The following TRAFD1 variants were observed in gnomAD, a reference collection of about 807,000 sequenced individuals.
TRAFD1 encodes the protein TRAF-type zinc finger domain-containing protein 1.
Under a neutral mutation model 65.3 loss-of-function variants are expected in TRAFD1, and 38 were observed. The observed-to-expected ratio is 0.58, with a 90% CI of 0.45 to 0.76. The LOEUF (loss-of-function observed/expected upper bound fraction) is 0.76. TRAFD1 is among the 30% of genes least tolerant of loss of function. The pLI is 0.00. For missense variants in TRAFD1, 631 were observed against 712.6 expected (o/e 0.89, Z 1.30); for synonymous variants, 223 against 257.2 (o/e 0.87, Z 1.27).
chr12:112,149,903 C>T (rs943859821), intron 9 of TRAFD1, 32 bp downstream of exon 9: 1 of 1,612,714 alleles, frequency 6.2e-7, no homozygotes, highest in Non-Finnish European at 8.5e-7. Flanking sequence ...GCCAAGGCCG[C>T]AGGTCTACTG....
chr12:112,144,864 C>T (rs992407705), intron 6 of TRAFD1, among the ~76,000 whole-genome samples: 1 of 151,850 alleles, frequency 6.6e-6, no homozygotes, highest in Non-Finnish European at 1.5e-5. Flanking sequence ...ATCTAGGCAA[C>T]AGAAAAAAAA....
At position 112,152,362 on chromosome 12, in the gene TRAFD1, C is replaced by T. The variant is rs2030434982; in HGVS notation, c.1620-65C>T. 6.3e-7 allele frequency: 1 copy of T among 1,593,020 alleles called. No homozygotes were observed. On this transcript the variant is annotated intron_variant, in intron 10 of 11. Coordinates refer to ENST00000412615, the MANE Select transcript of TRAFD1 (RefSeq NM_006700.3). This position sits in a 1 kb window ranked among gnomAD's most constrained non-coding sequence, Gnocchi z 5.0. ...CTAGCATAGGACTGCTTCCTGTTCC[C>T]TCTGAGTTTGTTGACCTTTGCTCAG... is the stretch of plus-strand genomic sequence containing the variant.
rs1191750606 is a variant in TRAFD1 at position 112,142,648 on chromosome 12, CA to C, written c.850+363del. Among the ~76,000 whole-genome samples the C allele has an allele frequency of 3.4e-4, 47 of 139,354 alleles. No individual in the cohort carries two copies. In the South Asian group the frequency reaches 3.8e-3, roughly 11 times the overall value. The allele number at this position is 139,354 out of a possible 152,430, so 91.4% of individuals were successfully genotyped here. ...CTGGTGACAGAGTGACACCTTGTCT[CA>C]AAAAAAAAAGGCTCTAAAGGACATT... is the stretch of plus-strand genomic sequence containing the variant. On this transcript the variant is annotated intron_variant, in intron 6 of 11. Coordinates refer to ENST00000412615, the MANE Select transcript of TRAFD1 (RefSeq NM_006700.3).
At chr12:112,133,295 A>C (rs1023505793) in intron 2 of TRAFD1, 1 of 152,220 alleles carries the variant, frequency 6.6e-6, no homozygotes, top group East Asian at 1.9e-4. Flanking sequence ...TCCTGTAGTC[A>C]GGAAGCATCC....
At chr12:112,139,290 C>T (rs147611307) in intron 4 of TRAFD1, among the ~76,000 whole-genome samples, 18 of 151,912 alleles carry the variant, frequency 1.2e-4, no homozygotes, top group African/African-American at 4.3e-4. Context: ...GTCAAGGCTG[C>T]GGTAAGCCAT....
chr12:112,148,486 C>T (rs1440390683), intron 8 of TRAFD1, among the ~76,000 whole-genome samples, 182 bp downstream of exon 8: 1 of 152,242 alleles, frequency 6.6e-6, no homozygotes, highest in Non-Finnish European at 1.5e-5. Context: ...GGCTTTCAGA[C>T]TTTCCCTCCC....
intron 2 of TRAFD1, among the ~76,000 whole-genome samples, chr12:112,133,524 A>T (rs150925349): frequency 9.9e-5 from 15 of 152,144 alleles, no homozygotes; most frequent in Non-Finnish European, 7.4e-5. Context: ...ATAATCCTGG[A>T]GCGTATCACT....
rs754647958 is a variant in TRAFD1, at chr12:112,130,527, C to T, written c.5C>T (p.Ala2Val). 6.2e-7 allele frequency: 1 copy of T among 1,612,782 alleles called. No homozygotes were observed. Among genetic ancestry groups the T allele is most frequent in the Admixed American group, 1.7e-5 (1 of 59,962 alleles). ...GGTTTTCAGGAAGAGCTAAAGATGG[C>T]TGAATTTCTAGATGACCAGGAAACT... Reference protein sequence around the residue: MAEFLDDQETRL... With the variant: MVEFLDDQETRL... The change falls in exon 2 of 12, where the codon GCT (alanine) becomes GTT (valine). Residue 2 changes from alanine to valine, a missense_variant. Coordinates refer to ENST00000412615, the MANE Select transcript of TRAFD1 (RefSeq NM_006700.3). The surrounding 1 kb of genome is among the most constrained non-coding windows in gnomAD (Gnocchi z 4.4).
chr12:112,130,896 C>G lies in TRAFD1; in HGVS notation c.47+327C>G, dbSNP rs1043327982. On this transcript the variant is annotated intron_variant, in intron 2 of 11. Coordinates refer to ENST00000412615, the MANE Select transcript of TRAFD1 (RefSeq NM_006700.3). This position sits in a 1 kb window ranked among gnomAD's most constrained non-coding sequence, Gnocchi z 4.4. ...TCTGCTATGTTTATTACTTTATTTT[C>G]CTTCACTGGGTACTTCTTTCACAAT... is the stretch of plus-strand genomic sequence containing the variant. Among the ~76,000 whole-genome samples the G allele has an allele frequency of 6.6e-6, 1 of 152,148 alleles. No homozygotes were observed. The highest frequency in any genetic ancestry group is 2.4e-5 in the African/African-American group (1 of 41,428).
intron 6 of TRAFD1, among the ~76,000 whole-genome samples, chr12:112,145,259 T>C (rs1156723704): frequency 1.3e-5 from 2 of 152,240 alleles, no homozygotes; most frequent in Admixed American, 1.3e-4. Context: ...ATTGAAATAG[T>C]GTGTGGAAAA....
rs1167158759 is a variant in TRAFD1 at position 112,135,000 on chromosome 12, CT to C, written c.184-11del. 1 of 1,614,236 alleles carries C rather than the reference CT, an allele frequency of 6.2e-7. No individual in the cohort carries two copies. Among genetic ancestry groups the C allele is most frequent in the Admixed American group, 1.7e-5 (1 of 60,022 alleles). ...CCCAAAGCCAATTTACTGATTCTCA[CT>C]TCTTACTCTAGGTGACCTGCAAATG... On this transcript the variant is annotated splice_polypyrimidine_tract_variant and intron_variant, in intron 3 of 11. Coordinates refer to ENST00000412615, the MANE Select transcript of TRAFD1 (RefSeq NM_006700.3).
intron 6 of TRAFD1, among the ~76,000 whole-genome samples, chr12:112,144,416 T>C (rs1205689297): frequency 6.6e-6 from 1 of 152,080 alleles, no homozygotes; most frequent in African/African-American, 2.4e-5. Flanking sequence ...GATTACAGGC[T>C]TGTACCACCA....
In TRAFD1 at chr12:112,153,464, A is replaced by G. The variant is rs1397285227; in HGVS notation, c.*673A>G. The G allele has an allele frequency of 1.3e-5, 2 of 152,232 alleles. No individual in the cohort carries two copies. Among genetic ancestry groups the G allele is most frequent in the Non-Finnish European group, 2.9e-5 (2 of 68,066 alleles). 9.4% of individuals were successfully genotyped at this position (152,232 alleles called of 1,614,324 possible). ...AGGGCTGAGGGCTCCCTGTCCCCAC[A>G]GCAGGTATGTTGGGCTCTGCCCCAG... On this transcript the variant is annotated 3_prime_UTR_variant, in exon 12 of 12. Coordinates refer to ENST00000412615, the MANE Select transcript of TRAFD1 (RefSeq NM_006700.3).
chr12:112,146,018 G>A (rs1183870394), intron 7 of TRAFD1, among the ~76,000 whole-genome samples: 2 of 143,516 alleles, frequency 1.4e-5, no homozygotes, highest in African/African-American at 5.2e-5. Context: ...GGGGACTGTT[G>A]TGGGGTTGGG....
At chr12:112,134,009 T>TA (rs1468868015) in intron 2 of TRAFD1, among the ~76,000 whole-genome samples, 4 of 142,712 alleles carry the variant, frequency 2.8e-5, no homozygotes, top group Non-Finnish European at 6.2e-5. Flanking sequence ...TAATTTTTTT[T>TA]TTTTTTTTTT....
rs754722874 is a variant in TRAFD1, at chr12:112,142,240, C to T, written c.795C>T (p.Ala265=). The T allele has an allele frequency of 3.1e-6, 5 of 1,613,814 alleles. No homozygotes were observed. Among genetic ancestry groups the T allele is most frequent in the East Asian group, 2.2e-5 (1 of 44,846 alleles). ...SSVAEQDFWR[A]VCEADQSHGG... is the part of the protein sequence containing the mutation. ...TGGCAGAGCAGGACTTCTGGAGGGC[C>T]GTATGTGAGGCCGACCAGTCTCATG... The change falls in exon 6 of 12, where the codon GCC becomes GCT. Residue 265 remains alanine, a synonymous_variant. Transcript: ENST00000412615.
At chr12:112,147,997 C>T in intron 7 of TRAFD1, 77 bp from the exon 8 acceptor site, 2 of 1,332,314 alleles carry the variant, frequency 1.5e-6, no homozygotes, top group South Asian at 1.4e-5. Context: ...ATGACTTCTT[C>T]TAGAAAATAT....
Position 112,152,315 on chromosome 12 carries a change from T to C in TRAFD1, c.1620-112T>C. Reference sequence around the variant, plus strand: ...TCCAAAAAAATTATTTTGTGGCCTATGGGTTTTTTGGGGTTTGTCTGCTAG... The same window carrying C: ...TCCAAAAAAATTATTTTGTGGCCTACGGGTTTTTTGGGGTTTGTCTGCTAG... On this transcript the variant is annotated intron_variant, in intron 10 of 11. Coordinates refer to ENST00000412615, the MANE Select transcript of TRAFD1 (RefSeq NM_006700.3). The surrounding 1 kb of genome is among the most constrained non-coding windows in gnomAD (Gnocchi z 5.0). 5 of 1,480,306 alleles carry C rather than the reference T, an allele frequency of 3.4e-6. No homozygotes were observed. In the South Asian group the frequency reaches 4.8e-5, roughly 14 times the overall value. The allele number at this position is 1,480,306 out of a possible 1,614,324, so 91.7% of individuals were successfully genotyped here.
Position 112,141,220 on chromosome 12 carries a change from T to C in TRAFD1, c.639T>C (p.Asn213=). 1 of 1,613,780 alleles carries C rather than the reference T, an allele frequency of 6.2e-7. No individual in the cohort carries two copies. The highest frequency in any genetic ancestry group is 8.5e-7 in the Non-Finnish European group (1 of 1,179,856). Residue 213 remains asparagine (N), a synonymous_variant, in exon 5 of 12, where the codon AAT becomes AAC. Coordinates refer to ENST00000412615, the MANE Select transcript of TRAFD1 (RefSeq NM_006700.3). ...NITAQVSIQN[N]LFEEQERQER... ...CAGCCCAGGTTTCAATTCAGAATAA[T>C]CTGTGTGAGTTGTGCTTGGGATTAG...
Sources: gnomAD v4.1 joint callset for allele counts (sites outside exome capture counted in the v4.1 genomes callset) on GRCh38, gnomAD v4.1.1 for gene constraint, Gnocchi (gnomAD v3.1) non-coding constraint, MANE v1.5 for transcripts, NCBI Gene and HGNC (gene_info 2026-07-23, HGNC 2026-07-21) for gene names.